Variants in VOPP1 observed in about 807,000 individuals in gnomAD.
VOPP1 encodes WW domain binding protein VOPP1.
A neutral mutation model predicts 23.5 loss-of-function variants in VOPP1; 8 were observed. That is an observed-to-expected ratio of 0.34 (90% CI 0.20 to 0.61). The LOEUF (loss-of-function observed/expected upper bound fraction) is 0.61, where lower values mean the gene tolerates loss of function less well. VOPP1 is among the 20% of genes least tolerant of loss of function. The probability of loss-of-function intolerance (pLI) is 0.78; values close to 1 mark genes in which losing one functional copy is unlikely to be tolerated. For synonymous variants in VOPP1, 83 were observed against 97.3 expected (o/e 0.85, Z 0.86); for missense variants, 174 against 238.1 (o/e 0.73, Z 1.77).
chr7:55,512,555 T>C (rs969014289), intron 2 of VOPP1, among the ~76,000 whole-genome samples: 7 of 152,248 alleles, frequency 4.6e-5, no homozygotes, highest in African/African-American at 1.7e-4. Flanking sequence ...GGAATCTTCA[T>C]TGATAAATCC....
chr7:55,449,789 C>T (rs559073886), intron 4 of VOPP1, among the ~76,000 whole-genome samples: 15 of 152,268 alleles, frequency 9.9e-5, no homozygotes, highest in South Asian at 8.3e-4. Flanking sequence ...TGCCCTCTAC[C>T]GCCCCTGCCT....
intron 1 of VOPP1, among the ~76,000 whole-genome samples, chr7:55,564,264 T>TCTCTCTCTCTCTCTCTCTCTCG (rs1369462395): frequency 1.3e-5 from 2 of 150,928 alleles, no homozygotes; most frequent in South Asian, 2.1e-4. Flanking sequence ...TCTCTCTCTC[T>TCTCTCTCTCTCTCTCTCTCTCG]CTCGCTCGCT....
At chr7:55,569,422 T>G (rs981791609) in intron 1 of VOPP1, among the ~76,000 whole-genome samples, 2 of 152,236 alleles carry the variant, frequency 1.3e-5, no homozygotes, top group African/African-American at 4.8e-5. Context: ...GGGCCACCAC[T>G]GCCCTCGCGA....
At chr7:55,501,805 G>A (rs1794389354) in intron 2 of VOPP1, among the ~76,000 whole-genome samples, 1 of 152,094 alleles carries the variant, frequency 6.6e-6, no homozygotes, top group African/African-American at 2.4e-5. Context: ...GGGGGAACTG[G>A]CCATGATCCT....
At chr7:55,439,371 TG>T (rs1790909558) in intron 4 of VOPP1, among the ~76,000 whole-genome samples, 1 of 151,936 alleles carries the variant, frequency 6.6e-6, no homozygotes, top group African/African-American at 2.4e-5. Flanking sequence ...CACTGGTCAT[TG>T]GAGTCAGTGT....
At chr7:55,512,770 G>T (rs982533137) in intron 2 of VOPP1, among the ~76,000 whole-genome samples, 3 of 152,200 alleles carry the variant, frequency 2.0e-5, no homozygotes, top group African/African-American at 7.2e-5. Context: ...AGAGCTCAGC[G>T]AAGGAGTCCA....
chr7:55,511,543 A>C (rs67572279), intron 2 of VOPP1, among the ~76,000 whole-genome samples: 1 of 152,186 alleles, frequency 6.6e-6, no homozygotes, highest in South Asian at 2.1e-4. Flanking sequence ...CAAATCACTA[A>C]GCTAAAAGGA....
chr7:55,539,612 A>T (rs1240560836), intron 1 of VOPP1: 1 of 149,928 alleles, frequency 6.7e-6, no homozygotes, highest in Non-Finnish European at 1.5e-5. Context: ...AAGGGAAGGA[A>T]ACAAAGCATG....
intron 1 of VOPP1, among the ~76,000 whole-genome samples, chr7:55,522,527 A>G (rs1471320272): frequency 6.6e-6 from 1 of 152,192 alleles, no homozygotes; most frequent in Non-Finnish European, 1.5e-5. Flanking sequence ...ATTTCACTAG[A>G]GTCTTCTGTG....
chr7:55,529,359 C>T (rs541886345), intron 1 of VOPP1, among the ~76,000 whole-genome samples: 1,534 of 67,848 alleles, frequency 0.023, 9 homozygotes, highest in Middle Eastern at 0.056. Context: ...AGCAAGATTC[C>T]GTCTCAAAAA....
chr7:55,488,682 C>A (rs1053836330), intron 4 of VOPP1, among the ~76,000 whole-genome samples: 4 of 151,532 alleles, frequency 2.6e-5, no homozygotes, highest in Non-Finnish European at 4.4e-5. Flanking sequence ...GCCACTGCCC[C>A]CCCTGCCCCA....
chr7:55,532,469 A>C (rs1796550783), intron 1 of VOPP1, among the ~76,000 whole-genome samples: 1 of 152,236 alleles, frequency 6.6e-6, no homozygotes, highest in Non-Finnish European at 1.5e-5. Context: ...TTTATTCTTG[A>C]GAATCATGGT....
chr7:55,461,004 T>C (rs1182909193), intron 4 of VOPP1, among the ~76,000 whole-genome samples: 1 of 151,896 alleles, frequency 6.6e-6, no homozygotes, highest in Non-Finnish European at 1.5e-5. Flanking sequence ...ACATATATTA[T>C]ATATGTGTGT....
intron 3 of VOPP1, chr7:55,492,702 G>A (rs12718968): frequency 0.33 from 101,362 of 305,010 alleles, 17,968 homozygotes; most frequent in Non-Finnish European, 0.39. Context: ...GAAAAGCACC[G>A]TAAAAGAAAA....
chr7:55,550,014 C>T (rs1797537107), intron 1 of VOPP1, among the ~76,000 whole-genome samples: 1 of 152,220 alleles, frequency 6.6e-6, no homozygotes, highest in South Asian at 2.1e-4. Context: ...CTCTCCTCAG[C>T]ATGATAGCCT....
At chr7:55,550,916 G>A (rs557965626) in intron 1 of VOPP1, among the ~76,000 whole-genome samples, 1 of 152,262 alleles carries the variant, frequency 6.6e-6, no homozygotes, top group Non-Finnish European at 1.5e-5. Flanking sequence ...AGAGTCAGAG[G>A]CTACACTGGC....
chr7:55,550,310 G>A (rs1797550654), intron 1 of VOPP1, among the ~76,000 whole-genome samples: 8 of 152,164 alleles, frequency 5.3e-5, no homozygotes, highest in Admixed American at 3.3e-4. Context: ...GTAAACAAAC[G>A]TACCTAAGTG....
chr7:55,538,709 G>A (rs1462880674), intron 1 of VOPP1: 2 of 1,524,156 alleles, frequency 1.3e-6, no homozygotes, highest in Non-Finnish European at 1.8e-6. Context: ...CATCAAGAGA[G>A]GGCGGATTAA....
chr7:55,462,872 G>A (rs990845262), intron 4 of VOPP1, among the ~76,000 whole-genome samples: 3 of 148,240 alleles, frequency 2.0e-5, no homozygotes, highest in African/African-American at 7.3e-5. Flanking sequence ...TAGCCGGGAT[G>A]GTCTCGATCT....
Sources: allele counts gnomAD v4.1 joint callset (sites outside exome capture counted in the v4.1 genomes callset), GRCh38; gene constraint gnomAD v4.1.1; transcripts MANE v1.5; gene names NCBI Gene and HGNC (gene_info 2026-07-23, HGNC 2026-07-21).